Variants in S100PBP observed in about 807,000 individuals in gnomAD.
S100PBP encodes S100P-binding protein.
In S100PBP, 15 loss-of-function variants were observed where a neutral mutation model predicts 39.9. The ratio of observed to expected loss-of-function variants is 0.38; its 90% CI spans 0.25 to 0.58. S100PBP has a LOEUF of 0.58. Ranked by LOEUF, S100PBP falls within the 20% of genes least tolerant of loss-of-function variation. S100PBP has a pLI of 0.70. For missense variants in S100PBP, 504 were observed against 487.3 expected (o/e 1.03, Z -0.32); for synonymous variants, 178 against 180.3 (o/e 0.99, Z 0.10).
At position 32,829,945 on chromosome 1, in the gene S100PBP, C is replaced by G. The variant is rs778310933; in HGVS notation, c.921-19C>G. 8 of 1,576,552 alleles carry G rather than the reference C, an allele frequency of 5.1e-6. No individual in the cohort carries two copies. In the Admixed American group the frequency reaches 1.0e-4, roughly 20 times the overall value. On this transcript the variant is annotated intron_variant, in intron 4 of 6. Transcript: ENST00000373475. The stretch of plus-strand genomic sequence containing the variant: ...TTCTAATGGGCTGTTTTTCTTTTTT[C>G]TGGTTTGCTTTATTCAAGGACTAAT...
intron 4 of S100PBP, among the ~76,000 whole-genome samples, chr1:32,829,177 AT>A (rs2148650646): frequency 6.8e-6 from 1 of 145,996 alleles, no homozygotes; most frequent in East Asian, 2.1e-4. Flanking sequence ...ACAGTAATAA[AT>A]TTGCAATCTC....
intron 5 of S100PBP, among the ~76,000 whole-genome samples, chr1:32,845,418 G>C (rs1462036866): frequency 6.6e-6 from 1 of 151,902 alleles, no homozygotes; most frequent in Non-Finnish European, 1.5e-5. Context: ...CCTAGGTGAC[G>C]GAGTGAGACC....
chr1:32,816,858 A>C, upstream of S100PBP: 1 of 509,542 alleles, frequency 2.0e-6, no homozygotes, highest in Non-Finnish European at 3.6e-6. Flanking sequence ...CCCTTCAGAC[A>C]AGCTCTGGCA....
intron 2 of S100PBP, 118 bp from the exon 3 acceptor site, chr1:32,825,980 T>C (rs1569844926): frequency 2.9e-6 from 2 of 684,032 alleles, no homozygotes; most frequent in South Asian, 2.0e-5. Flanking sequence ...TTATTTCTTA[T>C]GCTACAAGTC....
At chr1:32,820,065 A>G (rs564549945) in intron 1 of S100PBP, among the ~76,000 whole-genome samples, 98 of 150,740 alleles carry the variant, frequency 6.5e-4, no homozygotes, top group African/African-American at 2.3e-3. Context: ...ATAAGAGTAG[A>G]GTATATTAGA....
At chr1:32,834,683 T>A (rs757779826) in intron 5 of S100PBP, among the ~76,000 whole-genome samples, 1 of 152,252 alleles carries the variant, frequency 6.6e-6, no homozygotes, top group Non-Finnish European at 1.5e-5. Context: ...CTTCCCATTG[T>A]AAAGTACATT....
At chr1:32,840,702 G>A (rs1341175070) in intron 5 of S100PBP, among the ~76,000 whole-genome samples, 2 of 152,112 alleles carry the variant, frequency 1.3e-5, no homozygotes, top group Non-Finnish European at 2.9e-5. Flanking sequence ...GTGTAAAGTG[G>A]TCAGTTTTTA....
upstream of S100PBP, chr1:32,816,640 C>T (rs970327736): frequency 6.5e-6 from 1 of 154,524 alleles, no homozygotes; most frequent in Non-Finnish European, 1.4e-5. Flanking sequence ...TTCTTCCATT[C>T]TTCCTCTGGT....
rs1045850253 is a variant in S100PBP, at chr1:32,817,677, C to A, written c.-132C>A. On this transcript the variant is annotated 5_prime_UTR_variant, in exon 1 of 7. Coordinates refer to ENST00000373475, the MANE Select transcript of S100PBP (RefSeq NM_022753.4). ...CGCAGTCGTTCGCCCAGGCTTTGGC[C>A]CGGCTTCCGGAGGTGAAGAGCGGGA... 4.3e-6 allele frequency: 1 copy of A among 231,138 alleles called. No individual in the cohort carries two copies. Among genetic ancestry groups the A allele is most frequent in the Admixed American group, 5.0e-5 (1 of 19,894 alleles). 14.3% of individuals were successfully genotyped at this position (231,138 alleles called of 1,614,324 possible).
intron 4 of S100PBP, 88 bp downstream of exon 4, chr1:32,828,169 G>GA: frequency 4.8e-6 from 4 of 831,912 alleles, no homozygotes; most frequent in Non-Finnish European, 3.8e-6. Context: ...TTAGTGCAGG[G>GA]AAAAAAATCC....
At position 32,855,919 on chromosome 1, in the gene S100PBP, G is replaced by C. The variant is rs372300966; in HGVS notation, c.1113-5G>C. 1 of 1,608,078 alleles carries C rather than the reference G, an allele frequency of 6.2e-7. No homozygotes were observed. Among genetic ancestry groups the C allele is most frequent in the East Asian group, 2.2e-5 (1 of 44,710 alleles). Reference sequence around the variant, plus strand: ...TTCCTGTTTGTACTCTCCCTCTCTCGATAGAAACTACGCCCGCCGACAGAA... The same window carrying C: ...TTCCTGTTTGTACTCTCCCTCTCTCCATAGAAACTACGCCCGCCGACAGAA... On this transcript the variant is annotated splice_polypyrimidine_tract_variant and splice_region_variant and intron_variant, in intron 6 of 6. Coordinates refer to ENST00000373475, the MANE Select transcript of S100PBP (RefSeq NM_022753.4).
At position 32,828,058 on chromosome 1, in the gene S100PBP, T is replaced by G. The variant is rs1306678132; in HGVS notation, c.897T>G (p.Ile299Met). Residue 299 changes from isoleucine to methionine, a missense_variant, in exon 4 of 7, where the codon ATT (isoleucine) becomes ATG (methionine). Ile to Met is a conservative substitution (Grantham distance 10). Transcript: ENST00000373475. ...KGHERRLGKV[I>M]PVLQTKTRTN... is the part of the protein sequence containing the mutation. Reference sequence around the variant, plus strand: ...ATGAGAGAAGACTAGGCAAAGTCATTCCTGTTCTACAAACTAAGACCAGGT... The same window carrying G: ...ATGAGAGAAGACTAGGCAAAGTCATGCCTGTTCTACAAACTAAGACCAGGT... 2 of 1,606,482 alleles carry G rather than the reference T, an allele frequency of 1.2e-6. No individual in the cohort carries two copies. The highest frequency in any genetic ancestry group is 2.7e-5 in the African/African-American group (2 of 74,824).
chr1:32,845,080 AGTGGC>A (rs999984548), intron 5 of S100PBP, among the ~76,000 whole-genome samples: 4 of 151,264 alleles, frequency 2.6e-5, no homozygotes, highest in Non-Finnish European at 4.4e-5. Flanking sequence ...GCTGGAGTGC[AGTGGC>A]GCGATCTTGG....
chr1:32,835,846 T>G (rs1373878451), intron 5 of S100PBP: 1 of 152,182 alleles, frequency 6.6e-6, no homozygotes, highest in African/African-American at 2.4e-5. Flanking sequence ...ACCATTTTGT[T>G]TAATCCATTC....
chr1:32,822,383 C>T (rs1029929287), intron 1 of S100PBP, among the ~76,000 whole-genome samples: 35 of 152,006 alleles, frequency 2.3e-4, no homozygotes, highest in Middle Eastern at 3.4e-3. Context: ...GAGGCCGAGG[C>T]GGGCGGATCA....
intron 4 of S100PBP, among the ~76,000 whole-genome samples, chr1:32,829,118 G>A (rs1210087069): frequency 6.6e-6 from 1 of 152,198 alleles, no homozygotes; most frequent in East Asian, 1.9e-4. Context: ...CTTGTGAATT[G>A]CTTACAATGT....
chr1:32,834,232 A>G (rs1639723322), intron 5 of S100PBP, among the ~76,000 whole-genome samples: 2 of 152,210 alleles, frequency 1.3e-5, no homozygotes, highest in African/African-American at 2.4e-5. Flanking sequence ...ATATTTAATC[A>G]TAATTTTTAA....
At chr1:32,841,776 G>T (rs1322390034) in intron 5 of S100PBP, among the ~76,000 whole-genome samples, 2 of 150,020 alleles carry the variant, frequency 1.3e-5, no homozygotes, top group African/African-American at 4.9e-5. Flanking sequence ...CTTTCATGTG[G>T]TATCTAAGAA....
intron 5 of S100PBP, chr1:32,836,440 T>C: frequency 1.5e-6 from 1 of 682,160 alleles, no homozygotes; most frequent in African/African-American, 2.0e-5. Context: ...CTTGTGTTTT[T>C]GTTTTTGTTT....
Sources: allele counts gnomAD v4.1 joint callset (sites outside exome capture counted in the v4.1 genomes callset), GRCh38; gene constraint gnomAD v4.1.1; transcripts MANE v1.5; gene names NCBI Gene and HGNC (gene_info 2026-07-23, HGNC 2026-07-21).